Variants in ASTN2 observed in about 807,000 individuals in gnomAD.
ASTN2 encodes astrotactin 2.
ASTN2 carries 54 observed loss-of-function variants against 139.8 expected under a neutral mutation model. The ratio of observed to expected loss-of-function variants is 0.39; its 90% CI spans 0.31 to 0.48. The LOEUF is 0.48. Among genes scored for constraint, ASTN2 ranks in the 20% least tolerant of loss-of-function variants. The pLI is 0.95. For synonymous variants in ASTN2, 756 were observed against 719.5 expected (o/e 1.05, Z -0.81); for missense variants, 1,565 against 1,725.1 (o/e 0.91, Z 1.64).
chr9:117,034,277 A>G (rs1392910435), intron 6 of ASTN2, among the ~76,000 whole-genome samples: 3 of 152,194 alleles, frequency 2.0e-5, no homozygotes, highest in East Asian at 3.9e-4. Flanking sequence ...CAGCTAAGAT[A>G]GGTGTTTAAT....
chr9:116,737,286 T>C (rs1380705807), intron 13 of ASTN2, among the ~76,000 whole-genome samples: 1 of 151,996 alleles, frequency 6.6e-6, no homozygotes, highest in Non-Finnish European at 1.5e-5. Context: ...AGGCAAAACA[T>C]GGATGAGAGA....
chr9:116,785,870 A>G (rs988400702), intron 13 of ASTN2, among the ~76,000 whole-genome samples: 4 of 151,930 alleles, frequency 2.6e-5, no homozygotes, highest in African/African-American at 7.3e-5. Context: ...TATTCTTCAC[A>G]CCCCAGTCAG....
chr9:117,006,711 G>GTA (rs1341905907), intron 7 of ASTN2, among the ~76,000 whole-genome samples: 1 of 152,070 alleles, frequency 6.6e-6, no homozygotes, highest in Non-Finnish European at 1.5e-5. Flanking sequence ...CCATATTATA[G>GTA]TATACAAGGC....
At chr9:117,009,139 G>C (rs1373292152) in intron 6 of ASTN2, among the ~76,000 whole-genome samples, 1 of 152,174 alleles carries the variant, frequency 6.6e-6, no homozygotes, top group Non-Finnish European at 1.5e-5. Context: ...CTAAAGGCTA[G>C]TGGCACTAGA....
intron 2 of ASTN2, among the ~76,000 whole-genome samples, chr9:117,250,763 A>C (rs1852299480): frequency 6.6e-6 from 1 of 152,194 alleles, no homozygotes; most frequent in Admixed American, 6.5e-5. Context: ...ATTCCTGTGG[A>C]CAGTGCTTCA....
intron 3 of ASTN2, among the ~76,000 whole-genome samples, chr9:117,175,239 C>A (rs1020445191): frequency 1.3e-5 from 2 of 152,034 alleles, no homozygotes; most frequent in Non-Finnish European, 2.9e-5. Flanking sequence ...AAATTAGATA[C>A]AACTAAAAGT....
At chr9:117,058,718 A>G (rs1298873749) in intron 5 of ASTN2, among the ~76,000 whole-genome samples, 1 of 152,210 alleles carries the variant, frequency 6.6e-6, no homozygotes, top group African/African-American at 2.4e-5. Context: ...AAACAGAAAC[A>G]GACATGGACG....
At chr9:116,596,098 T>C (rs572882747) in intron 19 of ASTN2, among the ~76,000 whole-genome samples, 131 of 152,232 alleles carry the variant, frequency 8.6e-4, no homozygotes, top group African/African-American at 3.1e-3. Flanking sequence ...CATTCAGCCT[T>C]AAAAAAGAAG....
intron 10 of ASTN2, among the ~76,000 whole-genome samples, chr9:116,941,167 A>AACTGAGGAT (rs71379242): frequency 0.27 from 41,643 of 151,752 alleles, 5,788 homozygotes; most frequent in Admixed American, 0.33. Flanking sequence ...TGCAGAAGAC[A>AACTGAGGAT]ACTGAGGATA....
intron 13 of ASTN2, among the ~76,000 whole-genome samples, chr9:116,763,583 G>A (rs927966412): frequency 4.6e-5 from 7 of 152,060 alleles, no homozygotes; most frequent in Non-Finnish European, 1.0e-4. Context: ...ACACAGCCTC[G>A]GTTTGTTTAA....
At chr9:116,432,710 A>C (rs1029132647) in intron 22 of ASTN2, among the ~76,000 whole-genome samples, 1 of 152,246 alleles carries the variant, frequency 6.6e-6, no homozygotes, top group African/African-American at 2.4e-5. Flanking sequence ...TGGGCGGATC[A>C]CTTGTGGTCG....
intron 13 of ASTN2, among the ~76,000 whole-genome samples, chr9:116,796,105 C>G (rs1317831448): frequency 6.6e-6 from 1 of 152,166 alleles, no homozygotes; most frequent in Non-Finnish European, 1.5e-5. Flanking sequence ...CTTCTGTCTG[C>G]CAAGGACAGA....
intron 1 of ASTN2, among the ~76,000 whole-genome samples, chr9:117,384,500 C>T (rs746074067): frequency 6.6e-6 from 1 of 152,138 alleles, no homozygotes; most frequent in Non-Finnish European, 1.5e-5. Flanking sequence ...CTTTGCTCTC[C>T]CTTCTGTGAA....
chr9:117,085,208 G>A (rs1054666650), intron 5 of ASTN2, among the ~76,000 whole-genome samples: 7 of 152,166 alleles, frequency 4.6e-5, no homozygotes, highest in South Asian at 2.1e-4. Flanking sequence ...CATCATCCTC[G>A]GGGAAGATTC....
rs1404163300 is a variant in ASTN2 at position 117,016,701 on chromosome 9, CATATATATAGGTTATATATATATGTT to C, written c.1424-8468_1424-8443del. Reference sequence around the variant, plus strand: ...ATATATAGGTTATATATATATGTTACATATATATAGGTTATATATATATGTTATATATATAGGTTATATATAGGTTT... The same window carrying C: ...ATATATAGGTTATATATATATGTTACATATATATAGGTTATATATAGGTTT... On this transcript the variant is annotated intron_variant, in intron 6 of 22. Coordinates refer to ENST00000313400, the MANE Select transcript of ASTN2 (RefSeq NM_001365068.1). Among the ~76,000 whole-genome samples, 31 of 125,874 alleles carry C rather than the reference CATATATATAGGTTATATATATATGTT, an allele frequency of 2.5e-4. 1 individual carries two copies. The highest frequency in any genetic ancestry group is 8.1e-4 in the African/African-American group (25 of 30,904). 82.6% of individuals were successfully genotyped at this position (125,874 alleles called of 152,430 possible).
intron 2 of ASTN2, among the ~76,000 whole-genome samples, chr9:117,281,212 T>G (rs1408081372): frequency 6.6e-6 from 1 of 152,186 alleles, no homozygotes; most frequent in Non-Finnish European, 1.5e-5. Context: ...ATGAGCCTTT[T>G]ATCACTTATT....
intron 3 of ASTN2, among the ~76,000 whole-genome samples, chr9:117,179,627 A>G (rs191119513): frequency 2.4e-4 from 37 of 152,234 alleles, no homozygotes; most frequent in Admixed American, 2.2e-3. Context: ...CTCTTCTCTT[A>G]CCTTTGATAA....
At chr9:116,524,981 A>G (rs1357200521) in intron 19 of ASTN2, among the ~76,000 whole-genome samples, 3 of 152,228 alleles carry the variant, frequency 2.0e-5, no homozygotes, top group East Asian at 1.9e-4. Flanking sequence ...TAACAGGCAG[A>G]GCTTGGAATA....
Position 116,661,527 on chromosome 9 carries a change from G to C in ASTN2, c.2807-9734C>G, listed in dbSNP as rs1858559009. Reference sequence around the variant, plus strand: ...TCAATCCTTGTGGTACTCAAGTGTAGAGACCTGATGGGACGTATTGGCTGG... The same window carrying C: ...TCAATCCTTGTGGTACTCAAGTGTACAGACCTGATGGGACGTATTGGCTGG... On this transcript the variant is annotated intron_variant, in intron 16 of 22. Transcript: ENST00000313400. 2.0e-5 allele frequency among the ~76,000 whole-genome samples: 3 copies of C among 152,174 alleles called. No homozygotes were observed. The South Asian group carries it at 6.2e-4, about 32-fold the overall frequency.
Sources: allele counts gnomAD v4.1 joint callset (sites outside exome capture counted in the v4.1 genomes callset), GRCh38; gene constraint gnomAD v4.1.1; transcripts MANE v1.5; gene names NCBI Gene and HGNC (gene_info 2026-07-23, HGNC 2026-07-21).